ULK4: variants seen among roughly 807,000 people sequenced by gnomAD.
The protein encoded by ULK4 is unc-51 like kinase 4.
Under a neutral mutation model 160.6 loss-of-function variants are expected in ULK4, and 133 were observed. The observed-to-expected ratio is 0.83, with a 90% CI of 0.72 to 0.96. The LOEUF is 0.96. Ranked by LOEUF, ULK4 falls within the 40% of genes least tolerant of loss-of-function variation. ULK4 has a pLI of 0.00. For synonymous variants in ULK4, 534 were observed against 539.8 expected (o/e 0.99, Z 0.15); for missense variants, 1,580 against 1,499.5 (o/e 1.05, Z -0.89).
chr3:41,443,071 G>A (rs1274736481), intron 34 of ULK4, among the ~76,000 whole-genome samples: 1 of 152,086 alleles, frequency 6.6e-6, no homozygotes, highest in Non-Finnish European at 1.5e-5. Context: ...CTCCTTTAAT[G>A]TGAAGATTTT....
chr3:41,763,795 G>A (rs1202285954), intron 21 of ULK4, among the ~76,000 whole-genome samples: 1 of 152,218 alleles, frequency 6.6e-6, no homozygotes, highest in Non-Finnish European at 1.5e-5. Flanking sequence ...TTCCAAAGTG[G>A]TTGTACCAAT....
At chr3:41,773,240 G>C (rs148657495) in intron 21 of ULK4, among the ~76,000 whole-genome samples, 4,379 of 152,234 alleles carry the variant, frequency 0.029, 207 homozygotes, top group African/African-American at 0.1. Context: ...GCAGGAGAAG[G>C]AAATAAAGGG....
intron 8 of ULK4, 75 bp downstream of exon 8, chr3:41,915,902 C>T (rs1698950621): frequency 1.4e-5 from 14 of 978,940 alleles, no homozygotes; most frequent in Admixed American, 2.5e-5. Context: ...TATTTATTCC[C>T]ATTAAAATAC....
At chr3:41,868,933 TTATC>T (rs1696996929) in intron 17 of ULK4, 1 of 152,204 alleles carries the variant, frequency 6.6e-6, no homozygotes, top group Admixed American at 6.5e-5. Flanking sequence ...TTGCCCCATT[TTATC>T]TTTCTTCCTT....
intron 5 of ULK4, among the ~76,000 whole-genome samples, chr3:41,928,008 T>C (rs962298883): frequency 5.3e-5 from 8 of 152,266 alleles, no homozygotes; most frequent in Non-Finnish European, 8.8e-5. Flanking sequence ...GCAGACCTAA[T>C]AGACATCTAC....
chr3:41,942,344 C>A (rs955785133), intron 2 of ULK4, among the ~76,000 whole-genome samples: 4 of 151,928 alleles, frequency 2.6e-5, no homozygotes, highest in Non-Finnish European at 4.4e-5. Context: ...CATGATGAAA[C>A]CCTATCTCTA....
chr3:41,704,928 G>A (rs1413147863), intron 27 of ULK4, 129 bp downstream of exon 27: 2 of 625,770 alleles, frequency 3.2e-6, no homozygotes, highest in African/African-American at 1.9e-5. Flanking sequence ...TGCCAGGGTA[G>A]GGGGGTTCTG....
At chr3:41,821,036 C>T (rs902525734) in intron 18 of ULK4, among the ~76,000 whole-genome samples, 3 of 152,186 alleles carry the variant, frequency 2.0e-5, no homozygotes, top group Non-Finnish European at 2.9e-5. Context: ...CAACCCTTAA[C>T]ATCAGTGGAC....
At chr3:41,599,143 T>C (rs1040024231) in intron 31 of ULK4, among the ~76,000 whole-genome samples, 4 of 152,188 alleles carry the variant, frequency 2.6e-5, no homozygotes, top group African/African-American at 4.8e-5. Context: ...TGTGACTGCA[T>C]TGGGCCGTGG....
intron 27 of ULK4, among the ~76,000 whole-genome samples, chr3:41,698,020 G>A (rs764199238): frequency 6.6e-6 from 1 of 152,126 alleles, no homozygotes; most frequent in Non-Finnish European, 1.5e-5. Context: ...CTCACCATTT[G>A]TTACAATCAC....
At chr3:41,886,422 GAA>G (rs1259296053) in intron 16 of ULK4, among the ~76,000 whole-genome samples, 2 of 151,938 alleles carry the variant, frequency 1.3e-5, no homozygotes, top group Non-Finnish European at 2.9e-5. Flanking sequence ...CACACTAGTA[GAA>G]AAAAAGTGCA....
At chr3:41,749,679 C>T (rs1422284587) in intron 22 of ULK4, among the ~76,000 whole-genome samples, 2 of 152,014 alleles carry the variant, frequency 1.3e-5, no homozygotes, top group Admixed American at 6.5e-5. Context: ...AATCAAGGAG[C>T]ATCTGTATTG....
At chr3:41,476,792 A>G (rs1047928492) in intron 32 of ULK4, among the ~76,000 whole-genome samples, 2 of 152,084 alleles carry the variant, frequency 1.3e-5, no homozygotes, top group Non-Finnish European at 2.9e-5. Flanking sequence ...TAGCTGATAC[A>G]CATCTACTTG....
At chr3:41,863,865 A>T (rs2042560083) in intron 17 of ULK4, among the ~76,000 whole-genome samples, 1 of 151,492 alleles carries the variant, frequency 6.6e-6, no homozygotes, top group South Asian at 2.1e-4. Context: ...TCTCAAGCAG[A>T]AGGAAGGGGT....
chr3:41,545,832 C>G (rs1353836114), intron 32 of ULK4, among the ~76,000 whole-genome samples: 2 of 152,098 alleles, frequency 1.3e-5, no homozygotes, highest in Non-Finnish European at 2.9e-5. Flanking sequence ...CTGTCTCTCA[C>G]ATGGGAAAAT....
chr3:41,516,858 G>A (rs1216337227), intron 32 of ULK4, among the ~76,000 whole-genome samples: 1 of 152,096 alleles, frequency 6.6e-6, no homozygotes, highest in Non-Finnish European at 1.5e-5. Flanking sequence ...AAGGATAAAC[G>A]CTTGATGGGA....
chr3:41,545,852 T>C (rs764730129), intron 32 of ULK4, among the ~76,000 whole-genome samples: 1 of 152,150 alleles, frequency 6.6e-6, no homozygotes, highest in African/African-American at 2.4e-5. Context: ...TTTCTATTAA[T>C]CTTCTATGGT....
Position 41,896,916 on chromosome 3 carries a change from A to G in ULK4, c.1436T>C (p.Met479Thr), listed in dbSNP as rs202124631. The change falls in exon 15 of 37, where the codon ATG (methionine) becomes ACG (threonine). Residue 479 changes from methionine to threonine, a missense_variant. By Grantham distance (81) the Met-to-Thr change is moderately conservative (BLOSUM62 -1). Transcript: ENST00000301831. ...ATTCAGCTTGGCTCGGGAGGCCCCCATGCTCTTCTCAGTGGAGTCGATCTG... is the reference window on the plus strand; with the variant it reads ...ATTCAGCTTGGCTCGGGAGGCCCCCGTGCTCTTCTCAGTGGAGTCGATCTG... ...CSQIDSTEKS[M>T]GASRAKLNLL... 1 of 1,613,538 alleles carries G rather than the reference A, an allele frequency of 6.2e-7. No individual in the cohort carries two copies. The highest frequency in any genetic ancestry group is 8.5e-7 in the Non-Finnish European group (1 of 1,179,878).
chr3:41,567,882 A>G lies in ULK4; in HGVS notation c.3121-1752T>C, dbSNP rs149434570. 7.5e-3 allele frequency among the ~76,000 whole-genome samples: 1,142 copies of G among 152,330 alleles called. 10 individuals are homozygous for G. Among genetic ancestry groups the G allele is most frequent in the Middle Eastern group, 0.034 (10 of 294 alleles). On this transcript the variant is annotated intron_variant, in intron 31 of 36. Transcript: ENST00000301831. ...TTTATAGAAGAGTTTCAAAGATAGT[A>G]CAGAGAGTTTCCATATACCCATCAC...
Sources: allele counts gnomAD v4.1 joint callset (sites outside exome capture counted in the v4.1 genomes callset), GRCh38; gene constraint gnomAD v4.1.1; transcripts MANE v1.5; gene names NCBI Gene and HGNC (gene_info 2026-07-23, HGNC 2026-07-21).